The following PRKG1 variants were observed in gnomAD, a reference collection of about 807,000 sequenced individuals.
PRKG1 encodes the protein cGMP-dependent protein kinase 1.
Under a neutral mutation model 88.1 loss-of-function variants are expected in PRKG1, and 35 were observed. That is an observed-to-expected ratio of 0.40 (90% CI 0.30 to 0.53). The LOEUF is 0.53. Ranked by LOEUF, PRKG1 falls within the 20% of genes least tolerant of loss-of-function variation. PRKG1 has a pLI of 0.59. For missense variants in PRKG1, 540 were observed against 839.8 expected (o/e 0.64, Z 4.41); for synonymous variants, 303 against 292.5 (o/e 1.04, Z -0.37).
intron 8 of PRKG1, among the ~76,000 whole-genome samples, chr10:52,153,094 G>C (rs1362296667): frequency 6.6e-6 from 1 of 152,174 alleles, no homozygotes; most frequent in Non-Finnish European, 1.5e-5. Context: ...AAAGTGAGTG[G>C]TCTAGGACAG....
chr10:51,364,221 C>T (rs923351502), intron 2 of PRKG1, among the ~76,000 whole-genome samples: 1 of 151,964 alleles, frequency 6.6e-6, no homozygotes, highest in Non-Finnish European at 1.5e-5. Flanking sequence ...TTCACTCTAT[C>T]CACTCTATGG....
At chr10:51,687,587 C>G (rs1465268970) in intron 3 of PRKG1, among the ~76,000 whole-genome samples, 1 of 152,116 alleles carries the variant, frequency 6.6e-6, no homozygotes, top group Non-Finnish European at 1.5e-5. Context: ...GTTAGCATTC[C>G]TATCTGGATA....
intron 3 of PRKG1, among the ~76,000 whole-genome samples, chr10:51,515,479 C>A (rs557461697): frequency 6.6e-6 from 1 of 152,222 alleles, no homozygotes; most frequent in East Asian, 1.9e-4. Flanking sequence ...CACGTGAAAT[C>A]TTAGTACTAT....
At chr10:52,038,239 C>T (rs191032045) in intron 5 of PRKG1, among the ~76,000 whole-genome samples, 1 of 151,826 alleles carries the variant, frequency 6.6e-6, no homozygotes, top group Admixed American at 6.6e-5. Context: ...TGGAAGGTTG[C>T]CTATAGTGAA....
intron 3 of PRKG1, among the ~76,000 whole-genome samples, chr10:51,729,418 T>C (rs1043773248): frequency 6.6e-6 from 1 of 152,062 alleles, no homozygotes; most frequent in African/African-American, 2.4e-5. Context: ...CAAAAGCCAC[T>C]GTCAAGAATG....
intron 8 of PRKG1, among the ~76,000 whole-genome samples, chr10:52,152,759 A>G (rs914164454): frequency 6.6e-6 from 1 of 152,194 alleles, no homozygotes; most frequent in Admixed American, 6.5e-5. Context: ...AGAATTCTTC[A>G]GTGAGAAAAT....
chr10:51,045,538 C>G (rs1843478636), intron 1 of PRKG1, among the ~76,000 whole-genome samples: 1 of 152,140 alleles, frequency 6.6e-6, no homozygotes, highest in Non-Finnish European at 1.5e-5. Flanking sequence ...GTTGGCCAGG[C>G]TGGTCTCGAA....
intron 7 of PRKG1, among the ~76,000 whole-genome samples, chr10:52,096,910 T>C (rs1186190748): frequency 2.0e-5 from 3 of 152,176 alleles, no homozygotes; most frequent in African/African-American, 7.2e-5. Flanking sequence ...TATTATTAAC[T>C]TACATGTAAT....
intron 2 of PRKG1, among the ~76,000 whole-genome samples, chr10:51,292,717 A>G (rs1483051524): frequency 6.6e-6 from 1 of 152,178 alleles, no homozygotes; most frequent in Non-Finnish European, 1.5e-5. Context: ...CAGCTATAGC[A>G]AAATATTTTC....
chr10:52,095,917 G>C (rs192745081), intron 7 of PRKG1, among the ~76,000 whole-genome samples: 61 of 152,324 alleles, frequency 4.0e-4, no homozygotes, highest in Admixed American at 3.9e-3. Context: ...TATGCAAGGT[G>C]CTGTGGGACC....
Position 51,956,934 on chromosome 10 carries a change from G to A in PRKG1, c.762+49364G>A, listed in dbSNP as rs1400087734. 1.6e-4 allele frequency among the ~76,000 whole-genome samples: 24 copies of A among 149,458 alleles called. No homozygotes were observed. In the Admixed American group the frequency reaches 1.6e-3, roughly 10 times the overall value. Reference sequence around the variant, plus strand: ...CAGGGAGTCTTGAAAGTAAATTGTGGGACAAATTTTCTTTCTTTCCTTCCT... The same window carrying A: ...CAGGGAGTCTTGAAAGTAAATTGTGAGACAAATTTTCTTTCTTTCCTTCCT... On this transcript the variant is annotated intron_variant, in intron 5 of 17. Coordinates refer to ENST00000373980, the MANE Select transcript of PRKG1 (RefSeq NM_006258.4).
At chr10:52,132,882 A>G (rs1307115468) in intron 7 of PRKG1, among the ~76,000 whole-genome samples, 6 of 152,108 alleles carry the variant, frequency 3.9e-5, no homozygotes, top group African/African-American at 7.2e-5. Flanking sequence ...ACAGGCATGC[A>G]ATGTAAAATA....
At chr10:52,016,126 T>C (rs1564430800) in intron 5 of PRKG1, among the ~76,000 whole-genome samples, 5 of 152,354 alleles carry the variant, frequency 3.3e-5, no homozygotes, top group Non-Finnish European at 7.3e-5. Flanking sequence ...AGCAGTACCC[T>C]ACTCTGTCAG....
intron 3 of PRKG1, among the ~76,000 whole-genome samples, chr10:51,783,459 A>G (rs1838647637): frequency 6.6e-6 from 1 of 151,938 alleles, no homozygotes; most frequent in Non-Finnish European, 1.5e-5. Flanking sequence ...TTGTGTTTTT[A>G]GTAGAGGTGG....
intron 7 of PRKG1, among the ~76,000 whole-genome samples, chr10:52,112,341 A>G (rs1397537935): frequency 6.6e-6 from 1 of 152,146 alleles, no homozygotes; most frequent in Non-Finnish European, 1.5e-5. Context: ...AGTTTCCTCC[A>G]ACTGAAAAAT....
At chr10:51,949,773 A>G (rs1286273802) in intron 5 of PRKG1, among the ~76,000 whole-genome samples, 1 of 152,188 alleles carries the variant, frequency 6.6e-6, no homozygotes, top group Admixed American at 6.5e-5. Flanking sequence ...CATAAATTAA[A>G]TCATGTTTAC....
chr10:51,990,484 T>C (rs1844276653), intron 5 of PRKG1, among the ~76,000 whole-genome samples: 1 of 152,162 alleles, frequency 6.6e-6, no homozygotes. Context: ...TTTACTTTTT[T>C]TGTATTCTCT....
chr10:51,235,722 A>G (rs1178528806), intron 2 of PRKG1, among the ~76,000 whole-genome samples: 4 of 152,208 alleles, frequency 2.6e-5, no homozygotes, highest in Non-Finnish European at 4.4e-5. Context: ...AAAGGATAAA[A>G]CCATTTAAAA....
chr10:51,719,719 G>A (rs1159417774), intron 3 of PRKG1, among the ~76,000 whole-genome samples: 11 of 152,188 alleles, frequency 7.2e-5, no homozygotes, highest in South Asian at 2.1e-4. Context: ...GGTTGTGTAT[G>A]ATGGTAACAT....
Sources: gnomAD v4.1 joint callset for allele counts (sites outside exome capture counted in the v4.1 genomes callset) on GRCh38, gnomAD v4.1.1 for gene constraint, MANE v1.5 for transcripts, NCBI Gene and HGNC (gene_info 2026-07-23, HGNC 2026-07-21) for gene names.